Variants in HYCC1 observed in about 807,000 individuals in gnomAD.
HYCC1 encodes the protein hyccin PI4KA lipid kinase complex subunit 1.
At chr7:22,983,627 C>A in the HYCC1 span, 3 of 274,766 alleles carry the variant, frequency 1.1e-5, no homozygotes, top group South Asian at 1.7e-4. Flanking sequence ...CAATTTGATT[C>A]TCTACTGCCT....
the HYCC1 span, among the ~76,000 whole-genome samples, chr7:22,964,178 T>A: frequency 6.6e-6 from 1 of 152,074 alleles, no homozygotes; most frequent in East Asian, 1.9e-4. Context: ...CGTCCTTGAA[T>A]TTAAGAAAGA....
the HYCC1 span, among the ~76,000 whole-genome samples, chr7:22,924,273 G>A: frequency 3.7e-4 from 57 of 152,174 alleles, no homozygotes; most frequent in African/African-American, 1.4e-3. Flanking sequence ...GAAGACGGGT[G>A]ATTTCCGCAT....
At chr7:22,967,809 AGCTGACCAC>A in the HYCC1 span, among the ~76,000 whole-genome samples, 1 of 152,230 alleles carries the variant, frequency 6.6e-6, no homozygotes, top group African/African-American at 2.4e-5. Context: ...TAGTTTGAAT[AGCTGACCAC>A]ATGACGGTGT....
the HYCC1 span, among the ~76,000 whole-genome samples, chr7:22,974,736 C>T: frequency 0.05 from 7,567 of 152,196 alleles, 214 homozygotes; most frequent in Non-Finnish European, 0.053. Flanking sequence ...TATGGTTTGG[C>T]TGTGTCCCTA....
the HYCC1 span, among the ~76,000 whole-genome samples, chr7:22,904,753 G>C: frequency 6.6e-6 from 1 of 151,648 alleles, no homozygotes; most frequent in Non-Finnish European, 1.5e-5. Context: ...AGACCAGCCT[G>C]GCCAACATGG....
chr7:22,915,210 C>T, the HYCC1 span, among the ~76,000 whole-genome samples: 2 of 152,162 alleles, frequency 1.3e-5, no homozygotes, highest in Admixed American at 1.3e-4. Flanking sequence ...GCCCTCAAAC[C>T]CCACAACAGG....
the HYCC1 span, among the ~76,000 whole-genome samples, chr7:22,964,743 A>G: frequency 6.6e-6 from 1 of 152,206 alleles, no homozygotes; most frequent in South Asian, 2.1e-4. Flanking sequence ...GTATGTTGAT[A>G]CACAGAGTAA....
At chr7:22,966,241 A>G in the HYCC1 span, among the ~76,000 whole-genome samples, 1 of 152,150 alleles carries the variant, frequency 6.6e-6, no homozygotes, top group Non-Finnish European at 1.5e-5. Context: ...TTATATTTAC[A>G]TGTATTTTTG....
chr7:22,936,383 G>A, the HYCC1 span: 1 of 152,316 alleles, frequency 6.6e-6, no homozygotes, highest in East Asian at 1.9e-4. Context: ...TGAAGTTCCT[G>A]TGTAGCCCTA....
the HYCC1 span, among the ~76,000 whole-genome samples, chr7:22,914,062 T>C: frequency 6.6e-6 from 1 of 152,194 alleles, no homozygotes; most frequent in Non-Finnish European, 1.5e-5. Flanking sequence ...TCCTCTCTAG[T>C]AGAAACAAAG....
the HYCC1 span, chr7:22,961,439 A>G: frequency 1.5e-5 from 9 of 590,364 alleles, no homozygotes; most frequent in African/African-American, 1.7e-4. Flanking sequence ...ATTGCTTAAC[A>G]TTCTACTCCT....
the HYCC1 span, among the ~76,000 whole-genome samples, chr7:22,951,359 T>C: frequency 6.6e-6 from 1 of 151,934 alleles, no homozygotes; most frequent in East Asian, 1.9e-4. Flanking sequence ...CAGATTACTT[T>C]GAGTCTAAAG....
chr7:22,975,819 T>A, the HYCC1 span, among the ~76,000 whole-genome samples: 1 of 152,144 alleles, frequency 6.6e-6, no homozygotes, highest in Non-Finnish European at 1.5e-5. Context: ...CGGGCTCAAG[T>A]GATCCTCCCA....
At chr7:22,943,718 CAAAA>C in the HYCC1 span, 2 of 152,466 alleles carry the variant, frequency 1.3e-5, no homozygotes, top group African/African-American at 4.8e-5. Flanking sequence ...TAAAGAATGA[CAAAA>C]AGACATCTGT....
chr7:22,961,185 A>C, the HYCC1 span: 30 of 1,226,582 alleles, frequency 2.4e-5, no homozygotes, highest in Non-Finnish European at 3.6e-5. Flanking sequence ...ATAGTTCTAA[A>C]TTGAGAAATC....
chr7:22,902,667 G>A, the HYCC1 span, among the ~76,000 whole-genome samples: 1 of 151,826 alleles, frequency 6.6e-6, no homozygotes, highest in African/African-American at 2.4e-5. Flanking sequence ...AAATTCAATG[G>A]AAAAAAATAT....
At chr7:22,950,394 T>C in the HYCC1 span, among the ~76,000 whole-genome samples, 2 of 152,216 alleles carry the variant, frequency 1.3e-5, no homozygotes, top group Non-Finnish European at 2.9e-5. Flanking sequence ...GTCACTACTA[T>C]GTATCTAGTA....
the HYCC1 span, among the ~76,000 whole-genome samples, chr7:22,908,267 G>C: frequency 6.6e-6 from 1 of 152,166 alleles, no homozygotes; most frequent in Admixed American, 6.5e-5. Flanking sequence ...TATTTTAGGA[G>C]CTAACAAGAG....
At chr7:22,898,470 C>A in the HYCC1 span, among the ~76,000 whole-genome samples, 1 of 151,920 alleles carries the variant, frequency 6.6e-6, no homozygotes, top group African/African-American at 2.4e-5. Flanking sequence ...ACTTGGCCTC[C>A]CAAAGTGCTG....
Sources: gnomAD v4.1 joint callset for allele counts (sites outside exome capture counted in the v4.1 genomes callset) on GRCh38, gnomAD v4.1.1 for gene constraint, MANE v1.5 for transcripts, NCBI Gene and HGNC (gene_info 2026-07-23, HGNC 2026-07-21) for gene names.